The following SEC14L3 variants were observed in gnomAD, a reference collection of about 807,000 sequenced individuals.
SEC14L3 encodes the protein SEC14 like lipid binding 3, also known as SEC14-like protein 3.
SEC14L3 carries 56 observed loss-of-function variants against 57.4 expected under a neutral mutation model. That is an observed-to-expected ratio of 0.97 (90% CI 0.79 to 1.22). The LOEUF (loss-of-function observed/expected upper bound fraction) is 1.22, where lower values mean the gene tolerates loss of function less well. Among genes scored for constraint, SEC14L3 ranks in the 50% most tolerant of loss-of-function variants. The pLI, the probability that SEC14L3 is intolerant of heterozygous loss-of-function variation, is 0.00. For missense variants in SEC14L3, 485 were observed against 511.7 expected, an observed-to-expected ratio of 0.95 and a Z score of 0.50; for synonymous variants, 173 against 194.4, an observed-to-expected ratio of 0.89 and a Z score of 0.92.
At position 30,459,629 on chromosome 22, in the gene SEC14L3, G is replaced by A. The variant is rs1271976549; in HGVS notation, c.*392C>T. 2 of 1,004,120 alleles carry A rather than the reference G, an allele frequency of 2.0e-6. No homozygotes were observed. Among genetic ancestry groups the A allele is most frequent in the Non-Finnish European group, 2.4e-6 (2 of 839,866 alleles). The allele number at this position is 1,004,120 out of a possible 1,614,324, so 62.2% of individuals were successfully genotyped here. On this transcript the variant is annotated 3_prime_UTR_variant, in exon 12 of 12. Transcript: ENST00000215812. Reference sequence around the variant, plus strand: ...ATACACTGAGCATCTACTATATATAGGGAGTGGAAGTAAAAAGGATTTAGA... The same window carrying A: ...ATACACTGAGCATCTACTATATATAAGGAGTGGAAGTAAAAAGGATTTAGA...
chr22:30,469,134 CAG>C (rs1027199866), intron 4 of SEC14L3, among the ~76,000 whole-genome samples: 3 of 152,088 alleles, frequency 2.0e-5, no homozygotes, highest in African/African-American at 7.2e-5. Flanking sequence ...GCTTGGGCAA[CAG>C]AGAGAGACCC....
chr22:30,468,601 C>T lies in SEC14L3; in HGVS notation c.330G>A (p.Gly110=). Residue 110 remains glycine, a synonymous_variant, in exon 5 of 12, where the codon GGG becomes GGA. Coordinates refer to ENST00000215812, the MANE Select transcript of SEC14L3 (RefSeq NM_174975.5). The part of the protein sequence containing the change: ...YDIIGPLDPK[G]LLFSVTKQDL... ...CCTGCTTGGTGACTGAGAAGAGCAA[C>T]CCCTTGGGATCAAGTGGCCCAATGA... 1 of 1,613,996 alleles carries T rather than the reference C, an allele frequency of 6.2e-7. No homozygotes were observed. Among genetic ancestry groups the T allele is most frequent in the Non-Finnish European group, 8.5e-7 (1 of 1,180,014 alleles).
intron 5 of SEC14L3, 35 bp downstream of exon 5, chr22:30,468,473 C>A: frequency 3.2e-6 from 5 of 1,555,012 alleles, no homozygotes; most frequent in Non-Finnish European, 4.4e-6. Flanking sequence ...CCTCACCTGC[C>A]CCCAGCCATC....
downstream of SEC14L3, among the ~76,000 whole-genome samples, chr22:30,454,741 AATATTATT>A (rs1411421134): frequency 2.8e-5 from 2 of 71,526 alleles, no homozygotes; most frequent in African/African-American, 1.2e-4. Context: ...AATATATAAT[AATATTATT>A]ATATATAATA....
downstream of SEC14L3, among the ~76,000 whole-genome samples, chr22:30,455,237 T>TTATATA (rs1556005949): frequency 2.3e-4 from 28 of 122,326 alleles, no homozygotes; most frequent in South Asian, 6.8e-4. Flanking sequence ...TATATAATAT[T>TTATATA]TAATATATTA....
At position 30,466,340 on chromosome 22, in the gene SEC14L3, C is replaced by T. The variant is rs759722412; in HGVS notation, c.574G>A (p.Val192Met). The T allele has an allele frequency of 3.1e-5, 50 of 1,613,840 alleles. No homozygotes were observed. Among genetic ancestry groups the T allele is most frequent in the African/African-American group, 5.3e-5 (4 of 74,932 alleles). Residue 192 changes from valine to methionine, a missense_variant, in exon 7 of 12, where the codon GTG (valine) becomes ATG (methionine). Physicochemically the swap from Val to Met is conservative, Grantham distance 21. Transcript: ENST00000215812. The part of the protein sequence containing the change: ...YPETLKFMLI[V>M]KATKLFPVGY... ...GAAGTCATTTGTCACATACCTTTCACGATGAGCATGAACTTCAGGGTCTCT... is the reference window on the plus strand; with the variant it reads ...GAAGTCATTTGTCACATACCTTTCATGATGAGCATGAACTTCAGGGTCTCT...
At position 30,464,900 on chromosome 22, in the gene SEC14L3, G is replaced by A. The variant is rs1935371659; in HGVS notation, c.584C>T (p.Thr195Ile). 1 of 1,613,904 alleles carries A rather than the reference G, an allele frequency of 6.2e-7. No homozygotes were observed. Among genetic ancestry groups the A allele is most frequent in the Non-Finnish European group, 8.5e-7 (1 of 1,179,774 alleles). Residue 195 changes from threonine to isoleucine, a missense_variant, in exon 8 of 12, where the codon ACC becomes ATC. Transcript: ENST00000215812. ...TLKFMLIVKA[T>I]KLFPVGYNLM... ...GTTGTAGCCCACAGGGAACAGTTTG[G>A]TAGCTGGAGAGATAGAAGTAAGGAT...
intron 5 of SEC14L3, 148 bp downstream of exon 5, chr22:30,468,360 G>A (rs764500134): frequency 1.3e-4 from 74 of 584,848 alleles, no homozygotes; most frequent in Non-Finnish European, 2.2e-4. Flanking sequence ...ACTTTTCAAG[G>A]CCACACAGCT....
chr22:30,452,246 CTTTT>C (rs750537241), intron 12 of SEC14L3, among the ~76,000 whole-genome samples: 7 of 90,022 alleles, frequency 7.8e-5, no homozygotes, highest in Admixed American at 2.5e-4. Flanking sequence ...TTCTTTCTTT[CTTTT>C]TTTTTTTTTT....
chr22:30,457,806 T>A (rs1935145730), downstream of SEC14L3, among the ~76,000 whole-genome samples: 2 of 152,098 alleles, frequency 1.3e-5, no homozygotes, highest in African/African-American at 4.8e-5. Flanking sequence ...AAGGCAGTCT[T>A]GTCCCATTCT....
chr22:30,453,849 G>T (rs75645541), intron 12 of SEC14L3, among the ~76,000 whole-genome samples: 4 of 152,094 alleles, frequency 2.6e-5, no homozygotes, highest in Non-Finnish European at 5.9e-5. Flanking sequence ...CTGGGGAAGG[G>T]GACACCTATA....
intron 12 of SEC14L3, among the ~76,000 whole-genome samples, chr22:30,452,010 G>GAAAAAAAAAAAAAAAAAAA (rs1226997169): frequency 9.1e-6 from 1 of 110,006 alleles, no homozygotes; most frequent in Non-Finnish European, 1.8e-5. Flanking sequence ...AAAAAAAAAA[G>GAAAAAAAAAAAAAAAAAAA]AAAAAAGAAA....
At position 30,459,759 on chromosome 22, in the gene SEC14L3, T is replaced by G; in HGVS notation, c.*262A>C. ...AAGGCTAGGGGATTCATTTTGCTAT[T>G]TATTGAGTTTCATGACACCCACTTC... On this transcript the variant is annotated 3_prime_UTR_variant, in exon 12 of 12. Transcript: ENST00000215812. The G allele has an allele frequency of 8.7e-7, 1 of 1,152,258 alleles. No individual in the cohort carries two copies. The highest frequency in any genetic ancestry group is 1.1e-6 in the Non-Finnish European group (1 of 931,100). 71.4% of individuals were successfully genotyped at this position (1,152,258 alleles called of 1,614,324 possible). A position where few individuals can be genotyped will look rare whatever the true frequency, so the allele number is the denominator to read the frequency against.
rs970300911 is a variant in SEC14L3 at position 30,448,895 on chromosome 22, A to AAAAC, written c.*188_*191dup. On this transcript the variant is annotated 3_prime_UTR_variant, in exon 13 of 13. Transcript: ENST00000403066. Reference sequence around the variant, plus strand: ...CCACAAAGCAAAGCCCTGTCTCTAAAAAACAAACAAACAAACCTCCAAAAC... The same window carrying AAAAC: ...CCACAAAGCAAAGCCCTGTCTCTAAAAAACAAACAAACAAACAAACCTCCAAAAC... 48 of 581,810 alleles carry AAAAC rather than the reference A, an allele frequency of 8.3e-5. No individual in the cohort carries two copies. The African/African-American group carries it at 8.6e-4, about 10-fold the overall frequency. 36.0% of individuals were successfully genotyped at this position (581,810 alleles called of 1,614,324 possible).
chr22:30,463,735 G>T (rs1935336437), intron 8 of SEC14L3, among the ~76,000 whole-genome samples: 1 of 152,172 alleles, frequency 6.6e-6, no homozygotes, highest in African/African-American at 2.4e-5. Context: ...CAGGGTCATT[G>T]GTTTGGGTTT....
rs200869785 is a variant in SEC14L3, at chr22:30,466,981, C to A, written c.519+1G>T. The A allele has an allele frequency of 1.2e-6, 2 of 1,613,438 alleles. No homozygotes were observed. The highest frequency in any genetic ancestry group is 1.7e-6 in the Non-Finnish European group (2 of 1,179,748). On this transcript the variant is annotated splice_donor_variant, in intron 6 of 11. Transcript: ENST00000215812. LOFTEE classifies it high-confidence loss of function. Reference sequence around the variant, plus strand: ...GGGGTGGCCCTAGGACTTCTCCTTACCTCCTGGTACACTTCTACCAGAGGT... The same window carrying A: ...GGGGTGGCCCTAGGACTTCTCCTTAACTCCTGGTACACTTCTACCAGAGGT...
chr22:30,448,394 A>T (rs950502499), exon 13 of SEC14L3: 12 of 152,040 alleles, frequency 7.9e-5, no homozygotes, highest in Non-Finnish European at 1.3e-4. Context: ...TCGCAGGTTG[A>T]GCAGGGGCCT....
Position 30,459,242 on chromosome 22 carries a change from C to A in SEC14L3, c.*779G>T, listed in dbSNP as rs1293684370. 3.0e-6 allele frequency: 3 copies of A among 983,894 alleles called. No individual in the cohort carries two copies. The highest frequency in any genetic ancestry group is 2.4e-6 in the Non-Finnish European group (2 of 828,698). The allele number at this position is 983,894 out of a possible 1,614,324, so 60.9% of individuals were successfully genotyped here. On this transcript the variant is annotated 3_prime_UTR_variant, in exon 12 of 12. Transcript: ENST00000215812. ...GCACTCGCCAAATGATAGTTGTTTT[C>A]TTTATTATGATTATGCCAGATGTGA...
In SEC14L3 at chr22:30,461,458, A is replaced by G. The variant is rs1935258432; in HGVS notation, c.933T>C (p.Gly311=). 1.9e-6 allele frequency: 3 copies of G among 1,613,698 alleles called. No homozygotes were observed. The highest frequency in any genetic ancestry group is 1.7e-5 in the Admixed American group (1 of 59,974). The change falls in exon 11 of 12, where the codon GGT becomes GGC. Residue 311 remains glycine, a synonymous_variant. Transcript: ENST00000215812. The stretch of plus-strand genomic sequence containing the variant: ...GGAAAACTCCGAAGCCGATGTCCGC[A>G]CCATCAGATGAGAACTGCCACCTGT... ...CVLRWQFSSD[G]ADIGFGVFLK...
Sources: gnomAD v4.1 joint callset for allele counts (sites outside exome capture counted in the v4.1 genomes callset) on GRCh38, gnomAD v4.1.1 for gene constraint, MANE v1.5 for transcripts, NCBI Gene and HGNC (gene_info 2026-07-23, HGNC 2026-07-21) for gene names.